Variants in SEMA3D observed in about 807,000 individuals in gnomAD.
The protein encoded by SEMA3D is semaphorin-3D.
Under a neutral mutation model 100.1 loss-of-function variants are expected in SEMA3D, and 84 were observed. The observed-to-expected ratio is 0.84, with a 90% CI of 0.70 to 1.01. SEMA3D has a LOEUF of 1.01. Among genes scored for constraint, SEMA3D ranks in the 50% least tolerant of loss-of-function variants. SEMA3D has a pLI of 0.00. For synonymous variants in SEMA3D, 312 were observed against 320.7 expected, an observed-to-expected ratio of 0.97 and a Z score of 0.29; for missense variants, 875 against 934.1, an observed-to-expected ratio of 0.94 and a Z score of 0.82.
the SEMA3D span, among the ~76,000 whole-genome samples, chr7:85,247,560 A>G: frequency 5.9e-5 from 9 of 152,276 alleles, no homozygotes; most frequent in Admixed American, 2.6e-4. Context: ...TCAAGTTTAC[A>G]TGGAGAGGCA....
chr7:85,233,487 G>C, the SEMA3D span, among the ~76,000 whole-genome samples: 2 of 152,174 alleles, frequency 1.3e-5, no homozygotes, highest in African/African-American at 4.8e-5. Flanking sequence ...GATTAGGCTA[G>C]ATAATCTCAT....
intron 12 of SEMA3D, among the ~76,000 whole-genome samples, chr7:85,031,007 C>A (rs1418279933): frequency 6.6e-6 from 1 of 151,958 alleles, no homozygotes; most frequent in African/African-American, 2.4e-5. Flanking sequence ...CACCAGAGGG[C>A]AGAAGAATCA....
intron 1 of SEMA3D, among the ~76,000 whole-genome samples, chr7:85,176,965 C>T (rs1410922222): frequency 6.6e-6 from 1 of 152,116 alleles, no homozygotes; most frequent in Non-Finnish European, 1.5e-5. Flanking sequence ...AACACAAATA[C>T]TTCACACTGT....
At chr7:85,022,967 A>G (rs1487756793) in intron 12 of SEMA3D, among the ~76,000 whole-genome samples, 2 of 151,964 alleles carry the variant, frequency 1.3e-5, no homozygotes, top group African/African-American at 2.4e-5. Flanking sequence ...AACACGTGGA[A>G]AGCCATTATT....
At chr7:85,000,402 G>A (rs1188926375) in intron 18 of SEMA3D, among the ~76,000 whole-genome samples, 4 of 152,094 alleles carry the variant, frequency 2.6e-5, no homozygotes, top group Non-Finnish European at 5.9e-5. Flanking sequence ...CACCAAATAC[G>A]TTCTGTGAGT....
At chr7:85,004,893 A>G (rs1235499902) in intron 18 of SEMA3D, among the ~76,000 whole-genome samples, 1 of 152,022 alleles carries the variant, frequency 6.6e-6, no homozygotes, top group Non-Finnish European at 1.5e-5. Flanking sequence ...TTCGATAAGT[A>G]TTTCTGCTCC....
intron 4 of SEMA3D, among the ~76,000 whole-genome samples, chr7:85,095,021 T>G (rs1788509104): frequency 6.6e-6 from 1 of 151,936 alleles, no homozygotes; most frequent in African/African-American, 2.4e-5. Flanking sequence ...AAAAAACAAC[T>G]CAGTCTACTT....
chr7:85,170,350 C>T (rs1351436018), intron 1 of SEMA3D, among the ~76,000 whole-genome samples: 1 of 151,834 alleles, frequency 6.6e-6, no homozygotes, highest in Non-Finnish European at 1.5e-5. Flanking sequence ...CTGTATACTG[C>T]TAGAATCCAG....
chr7:85,049,245 G>T (rs1791091799), intron 9 of SEMA3D, among the ~76,000 whole-genome samples: 1 of 151,566 alleles, frequency 6.6e-6, no homozygotes. Context: ...TTCTATAGAG[G>T]CTTTCAAGGC....
At chr7:85,042,533 C>T (rs1280162900) in intron 9 of SEMA3D, among the ~76,000 whole-genome samples, 4 of 152,094 alleles carry the variant, frequency 2.6e-5, no homozygotes, top group African/African-American at 9.7e-5. Context: ...TAGATGCATA[C>T]AAGGCAATGG....
At chr7:85,194,093 T>C in the SEMA3D span, among the ~76,000 whole-genome samples, 3 of 152,202 alleles carry the variant, frequency 2.0e-5, no homozygotes, top group Non-Finnish European at 4.4e-5. Flanking sequence ...AGTTCCAAGA[T>C]AGTTTTTTTG....
chr7:85,216,470 T>A, the SEMA3D span, among the ~76,000 whole-genome samples: 1 of 151,898 alleles, frequency 6.6e-6, no homozygotes, highest in African/African-American at 2.4e-5. Context: ...TTTAAAAGCA[T>A]GTATACAATT....
chr7:85,081,430 C>CACTAATAATA, intron 5 of SEMA3D, 87 bp downstream of exon 5: 1 of 816,772 alleles, frequency 1.2e-6, no homozygotes, highest in East Asian at 2.5e-5. Flanking sequence ...TACACTAATA[C>CACTAATAATA]CATTAATTCA....
At chr7:85,022,255 TAAGAAATGCTGA>T (rs1584530025) in intron 13 of SEMA3D, 124 bp downstream of exon 13, 1 of 633,586 alleles carries the variant, frequency 1.6e-6, no homozygotes. Context: ...TACATAATTT[TAAGAAATGCTGA>T]CAAGGTTTTA....
At chr7:85,039,561 T>G (rs1352418183) in intron 11 of SEMA3D, among the ~76,000 whole-genome samples, 1 of 152,122 alleles carries the variant, frequency 6.6e-6, no homozygotes, top group Non-Finnish European at 1.5e-5. Context: ...TGCCCACCGA[T>G]GCTAGTACAA....
At chr7:85,023,180 A>G (rs1790302428) in intron 12 of SEMA3D, among the ~76,000 whole-genome samples, 3 of 151,910 alleles carry the variant, frequency 2.0e-5, no homozygotes, top group Admixed American at 2.0e-4. Context: ...GAGTCTGCAA[A>G]GAAACTGTTA....
chr7:85,203,687 C>T, the SEMA3D span, among the ~76,000 whole-genome samples: 1 of 151,988 alleles, frequency 6.6e-6, no homozygotes, highest in Admixed American at 6.6e-5. Flanking sequence ...GAATGAGGAT[C>T]TATCAAAGTG....
At chr7:85,072,735 G>C (rs1465790411) in intron 6 of SEMA3D, among the ~76,000 whole-genome samples, 1 of 151,970 alleles carries the variant, frequency 6.6e-6, no homozygotes, top group Non-Finnish European at 1.5e-5. Context: ...GTTTTGTTTT[G>C]TTTTAAAACA....
chr7:85,038,410 G>A (rs1790763189), intron 11 of SEMA3D, among the ~76,000 whole-genome samples: 1 of 152,124 alleles, frequency 6.6e-6, no homozygotes, highest in Non-Finnish European at 1.5e-5. Context: ...AAGGTATGAT[G>A]CCTCATGCTT....
Sources: gnomAD v4.1 joint callset for allele counts (sites outside exome capture counted in the v4.1 genomes callset) on GRCh38, gnomAD v4.1.1 for gene constraint, MANE v1.5 for transcripts, NCBI Gene and HGNC (gene_info 2026-07-23, HGNC 2026-07-21) for gene names.